GSAP: variants seen among roughly 807,000 people sequenced by gnomAD.
The protein encoded by GSAP is gamma-secretase-activating protein.
A neutral mutation model predicts 131.7 loss-of-function variants in GSAP; 118 were observed. That is an observed-to-expected ratio of 0.90 (90% CI 0.77 to 1.04). The LOEUF is 1.04. Ranked by LOEUF, GSAP falls within the 50% of genes least tolerant of loss-of-function variation. GSAP has a pLI of 0.00. For missense variants in GSAP, 1,019 were observed against 1,013.2 expected (o/e 1.01, Z -0.08); for synonymous variants, 381 against 363.4 (o/e 1.05, Z -0.55).
At chr7:77,355,165 T>C (rs1437343997) in intron 16 of GSAP, 48 bp downstream of exon 16, 1 of 1,171,074 alleles carries the variant, frequency 8.5e-7, no homozygotes. Context: ...AATAAATATG[T>C]TCAGTGTCGT....
At chr7:77,398,010 G>A (rs1227352819) in intron 3 of GSAP, among the ~76,000 whole-genome samples, 1 of 151,966 alleles carries the variant, frequency 6.6e-6, no homozygotes, top group Non-Finnish European at 1.5e-5. Flanking sequence ...TGTTTAAAAT[G>A]TTCAAAATAT....
chr7:77,388,146 C>G (rs1798859234), intron 5 of GSAP, among the ~76,000 whole-genome samples: 2 of 152,192 alleles, frequency 1.3e-5, no homozygotes, highest in African/African-American at 4.8e-5. Context: ...TCAACAGAGA[C>G]ACAGAAAAGA....
chr7:77,350,886 A>G (rs1792764203), intron 18 of GSAP, among the ~76,000 whole-genome samples: 1 of 152,210 alleles, frequency 6.6e-6, no homozygotes, highest in African/African-American at 2.4e-5. Flanking sequence ...AACTTTCAAG[A>G]TTGCCTTTTA....
chr7:77,396,979 T>A lies in GSAP; in HGVS notation c.367+3A>T. The A allele has an allele frequency of 6.4e-7, 1 of 1,574,346 alleles. No homozygotes were observed. Among genetic ancestry groups the A allele is most frequent in the Non-Finnish European group, 8.7e-7 (1 of 1,147,558 alleles). On this transcript the variant is annotated splice_donor_region_variant and intron_variant, in intron 5 of 30. Coordinates refer to ENST00000257626, the MANE Select transcript of GSAP (RefSeq NM_017439.4). ...TAGGTACTAAAAAGTGTAATTTCAT[T>A]ACCTGGTTGAAGTTCGTTCCTTTTT... is the stretch of plus-strand genomic sequence containing the variant.
rs763869040 is a variant in GSAP at position 77,382,563 on chromosome 7, G to A, written c.526+11C>T. Reference sequence around the variant, plus strand: ...ATGAAATTCCCATATTCCACCTAAAGATACACTTACATTTCTCTTCTGAAA... The same window carrying A: ...ATGAAATTCCCATATTCCACCTAAAAATACACTTACATTTCTCTTCTGAAA... On this transcript the variant is annotated intron_variant, in intron 7 of 30. Coordinates refer to ENST00000257626, the MANE Select transcript of GSAP (RefSeq NM_017439.4). 2.8e-6 allele frequency: 4 copies of A among 1,421,136 alleles called. No homozygotes were observed. Among genetic ancestry groups the A allele is most frequent in the African/African-American group, 1.4e-5 (1 of 71,372 alleles). The allele number at this position is 1,421,136 out of a possible 1,614,324, so 88.0% of individuals were successfully genotyped here.
intron 5 of GSAP, among the ~76,000 whole-genome samples, chr7:77,393,073 GA>G (rs142047919): frequency 2.7e-5 from 4 of 150,026 alleles, no homozygotes; most frequent in East Asian, 1.9e-4. Flanking sequence ...ATTAAAAAAA[GA>G]AAAAAAAACT....
intron 10 of GSAP, among the ~76,000 whole-genome samples, chr7:77,375,844 A>T (rs199922398): frequency 1.6e-4 from 1 of 6,372 alleles, no homozygotes. Context: ...ACTCCGTCTT[A>T]AAAAAAAAAA....
intron 19 of GSAP, among the ~76,000 whole-genome samples, chr7:77,340,982 C>T (rs1790823036): frequency 6.6e-6 from 1 of 152,154 alleles, no homozygotes; most frequent in Admixed American, 6.5e-5. Flanking sequence ...AAACTTAAAA[C>T]CTCTTCACCT....
rs1407716444 is a variant in GSAP, at chr7:77,311,874, C to T, written c.2440G>A (p.Glu814Lys). The T allele has an allele frequency of 6.3e-7, 1 of 1,590,348 alleles. No individual in the cohort carries two copies. Among genetic ancestry groups the T allele is most frequent in the African/African-American group, 1.3e-5 (1 of 74,528 alleles). ...VEFLPLNYFI[E>K]ILTDIESSNQ... Reference sequence around the variant, plus strand: ...GAGGACTCTATATCTGTCAGAATTTCAATGAAGTAGTTCAGAGGCAGAAAT... The same window carrying T: ...GAGGACTCTATATCTGTCAGAATTTTAATGAAGTAGTTCAGAGGCAGAAAT... The change falls in exon 30 of 31, where the codon GAA becomes AAA. Residue 814 changes from glutamate (E) to lysine (K), a missense_variant. Transcript: ENST00000257626.
At chr7:77,360,556 C>CA (rs1199159298) in intron 14 of GSAP, among the ~76,000 whole-genome samples, 1 of 152,062 alleles carries the variant, frequency 6.6e-6, no homozygotes, top group African/African-American at 2.4e-5. Context: ...AGGCTGCTAC[C>CA]AAAAAACATA....
At chr7:77,365,898 GTTT>G (rs35007328) in intron 12 of GSAP, among the ~76,000 whole-genome samples, 30 of 115,580 alleles carry the variant, frequency 2.6e-4, no homozygotes, top group Middle Eastern at 5.3e-3. Context: ...GCAACTGTGG[GTTT>G]TTTTTTTTTT....
chr7:77,397,743 GC>G (rs1172647092), intron 3 of GSAP, among the ~76,000 whole-genome samples: 2 of 152,168 alleles, frequency 1.3e-5, no homozygotes, highest in Non-Finnish European at 2.9e-5. Flanking sequence ...AAATTATTCA[GC>G]TTCTCTATCC....
intron 6 of GSAP, among the ~76,000 whole-genome samples, chr7:77,385,856 T>TA (rs1408809649): frequency 1.3e-5 from 2 of 152,220 alleles, no homozygotes; most frequent in Admixed American, 1.3e-4. Flanking sequence ...AAAAGGCAGA[T>TA]ACTTTGAGTG....
chr7:77,388,144 G>C (rs551550215), intron 5 of GSAP, among the ~76,000 whole-genome samples: 1 of 152,182 alleles, frequency 6.6e-6, no homozygotes, highest in Admixed American at 6.5e-5. Flanking sequence ...ATTCAACAGA[G>C]ACACAGAAAA....
At chr7:77,411,484 G>C (rs1437863066) in intron 1 of GSAP, among the ~76,000 whole-genome samples, 1 of 152,216 alleles carries the variant, frequency 6.6e-6, no homozygotes, top group Non-Finnish European at 1.5e-5. Context: ...ACCAGCAATA[G>C]TTACAACATG....
At chr7:77,366,666 A>T (rs751330273) in intron 12 of GSAP, among the ~76,000 whole-genome samples, 1 of 152,140 alleles carries the variant, frequency 6.6e-6, no homozygotes, top group South Asian at 2.1e-4. Context: ...GGGTAACATG[A>T]TATCTCCAGC....
intron 19 of GSAP, among the ~76,000 whole-genome samples, chr7:77,342,302 A>C (rs1218800409): frequency 6.6e-6 from 1 of 152,038 alleles, no homozygotes; most frequent in Admixed American, 6.5e-5. Context: ...CCTTCTTTTC[A>C]AGGGCCTGTT....
Position 77,351,218 on chromosome 7 carries a change from G to A in GSAP, c.1491+1726C>T, listed in dbSNP as rs768031679. 115 of 981,686 alleles carry A rather than the reference G, an allele frequency of 1.2e-4. 1 individual carries two copies. The highest frequency in any genetic ancestry group is 4.1e-5 in the Non-Finnish European group (34 of 826,838). The allele number at this position is 981,686 out of a possible 1,614,324, so 60.8% of individuals were successfully genotyped here. On this transcript the variant is annotated intron_variant, in intron 18 of 30. Coordinates refer to ENST00000257626, the MANE Select transcript of GSAP (RefSeq NM_017439.4). Reference sequence around the variant, plus strand: ...TGTGTGCTTCATTTATCACTACAGAGGATACCTCAAAAAAAATTAAAATTT... The same window carrying A: ...TGTGTGCTTCATTTATCACTACAGAAGATACCTCAAAAAAAATTAAAATTT...
chr7:77,400,603 A>G (rs1801150453), intron 3 of GSAP, among the ~76,000 whole-genome samples: 1 of 152,196 alleles, frequency 6.6e-6, no homozygotes, highest in Non-Finnish European at 1.5e-5. Flanking sequence ...CTAATTCCCC[A>G]ACAGGTAAAT....
Sources: allele counts gnomAD v4.1 joint callset (sites outside exome capture counted in the v4.1 genomes callset), GRCh38; gene constraint gnomAD v4.1.1; transcripts MANE v1.5; gene names NCBI Gene and HGNC (gene_info 2026-07-23, HGNC 2026-07-21).